The following TIAM1 variants were observed in gnomAD, a reference collection of about 807,000 sequenced individuals.
TIAM1 encodes TIAM Rac1 associated GEF 1, also known as rho guanine nucleotide exchange factor TIAM1.
TIAM1 carries 65 observed loss-of-function variants against 163.5 expected under a neutral mutation model. The observed-to-expected ratio is 0.40, with a 90% CI of 0.33 to 0.49. TIAM1 has a LOEUF of 0.49. Among genes scored for constraint, TIAM1 ranks in the 20% least tolerant of loss-of-function variants. The pLI is 0.77. For synonymous variants in TIAM1, 833 were observed against 810.1 expected (o/e 1.03, Z -0.48); for missense variants, 1,789 against 2,044.7 (o/e 0.87, Z 2.41).
In TIAM1 at chr21:31,167,304, C is replaced by T. The variant is rs185170745; in HGVS notation, c.2888-2239G>A. Among the ~76,000 whole-genome samples the T allele has an allele frequency of 1.1e-4, 17 of 152,028 alleles. 1 individual carries two copies. Among genetic ancestry groups the T allele is most frequent in the Admixed American group, 3.3e-4 (5 of 15,268 alleles). ...ACAGGGTTTCACCATGTTGGTGAGG[C>T]TGGTTTTGAACTCCTGAATGCGCCC... On this transcript the variant is annotated intron_variant, in intron 15 of 27. Coordinates refer to ENST00000541036, the MANE Select transcript of TIAM1 (RefSeq NM_001353694.2).
chr21:31,167,379 G>A (rs550394386), intron 15 of TIAM1, among the ~76,000 whole-genome samples: 1 of 152,186 alleles, frequency 6.6e-6, no homozygotes, highest in East Asian at 1.9e-4. Context: ...CACAGTGCCC[G>A]GCTGGATTTT....
At chr21:31,554,413 T>A (rs1028562243) in intron 1 of TIAM1, among the ~76,000 whole-genome samples, 1 of 152,198 alleles carries the variant, frequency 6.6e-6, no homozygotes, top group South Asian at 2.1e-4. Context: ...TCATCTTTCT[T>A]TCATGAATTC....
intron 6 of TIAM1, among the ~76,000 whole-genome samples, chr21:31,240,167 G>A (rs776156145): frequency 5.3e-5 from 8 of 152,080 alleles, no homozygotes; most frequent in Admixed American, 3.3e-4. Flanking sequence ...TGTTAATAGC[G>A]TCTACTCTCG....
chr21:31,456,045 T>G (rs2045086578), intron 2 of TIAM1, among the ~76,000 whole-genome samples: 1 of 152,210 alleles, frequency 6.6e-6, no homozygotes, highest in South Asian at 2.1e-4. Flanking sequence ...CAGGAGAATG[T>G]TCCTGGTTGT....
chr21:31,497,220 C>T (rs1161095675), intron 1 of TIAM1, among the ~76,000 whole-genome samples: 1 of 152,162 alleles, frequency 6.6e-6, no homozygotes, highest in African/African-American at 2.4e-5. Flanking sequence ...TACCATGATG[C>T]AATTGCCTAA....
At chr21:31,481,766 A>G (rs8129491) in intron 1 of TIAM1, among the ~76,000 whole-genome samples, 4,624 of 152,224 alleles carry the variant, frequency 0.03, 245 homozygotes, top group African/African-American at 0.11. Flanking sequence ...TCACAGCACC[A>G]ACATGTGTTC....
chr21:31,362,452 A>G (rs1315069926), intron 2 of TIAM1, among the ~76,000 whole-genome samples: 1 of 145,124 alleles, frequency 6.9e-6, no homozygotes, highest in Non-Finnish European at 1.5e-5. Flanking sequence ...GACAATTATT[A>G]TTATTATTAT....
chr21:31,547,367 C>G (rs1328340421), intron 1 of TIAM1, among the ~76,000 whole-genome samples: 1 of 152,178 alleles, frequency 6.6e-6, no homozygotes, highest in African/African-American at 2.4e-5. Context: ...TGGCAACAGA[C>G]TCCCACAAAC....
intron 3 of TIAM1, among the ~76,000 whole-genome samples, chr21:31,268,649 T>C (rs1344598966): frequency 6.6e-6 from 1 of 152,194 alleles, no homozygotes. Flanking sequence ...TCTTTTTTAC[T>C]AGGAGCAAGT....
intron 1 of TIAM1, among the ~76,000 whole-genome samples, chr21:31,475,943 A>T (rs945461734): frequency 1.3e-5 from 2 of 151,888 alleles, no homozygotes; most frequent in Admixed American, 6.6e-5. Context: ...AGTGTAGATA[A>T]ATGTCAAAAA....
At chr21:31,485,856 G>T (rs1324297025) in intron 1 of TIAM1, among the ~76,000 whole-genome samples, 1 of 152,138 alleles carries the variant, frequency 6.6e-6, no homozygotes, top group African/African-American at 2.4e-5. Context: ...TTCCTACTTT[G>T]CAGATGAGGA....
chr21:31,287,547 G>T (rs2073858038), intron 2 of TIAM1, among the ~76,000 whole-genome samples: 1 of 152,168 alleles, frequency 6.6e-6, no homozygotes, highest in South Asian at 2.1e-4. Flanking sequence ...GGTCCTGACA[G>T]GTTAATAGGA....
chr21:31,501,122 G>A (rs1323184098), intron 1 of TIAM1, among the ~76,000 whole-genome samples: 1 of 151,528 alleles, frequency 6.6e-6, no homozygotes, highest in African/African-American at 2.4e-5. Flanking sequence ...TATTGGACTC[G>A]CCACCATTTG....
intron 6 of TIAM1, among the ~76,000 whole-genome samples, chr21:31,244,095 G>A (rs923631973): frequency 3.3e-5 from 5 of 152,118 alleles, no homozygotes; most frequent in South Asian, 2.1e-4. Flanking sequence ...GTACACTTAT[G>A]TTGTGTGCAC....
At chr21:31,530,470 G>A (rs936333132) in intron 1 of TIAM1, among the ~76,000 whole-genome samples, 3 of 152,248 alleles carry the variant, frequency 2.0e-5, no homozygotes, top group African/African-American at 7.2e-5. Flanking sequence ...CAACAGTGTA[G>A]CTTTTCAGTC....
At chr21:31,415,733 C>T (rs766259871) in intron 2 of TIAM1, among the ~76,000 whole-genome samples, 3 of 152,138 alleles carry the variant, frequency 2.0e-5, no homozygotes, top group Non-Finnish European at 2.9e-5. Flanking sequence ...TCCATGACTC[C>T]GTTTTACTGG....
intron 13 of TIAM1, among the ~76,000 whole-genome samples, chr21:31,187,635 T>C (rs1005393639): frequency 2.6e-5 from 4 of 152,304 alleles, no homozygotes; most frequent in African/African-American, 9.6e-5. Flanking sequence ...TTTCACACTC[T>C]AGCAGTATCT....
In TIAM1 at chr21:31,252,248, G is replaced by A. The variant is rs779094167; in HGVS notation, c.964-59C>T. 90 of 1,543,524 alleles carry A rather than the reference G, an allele frequency of 5.8e-5. No homozygotes were observed. The African/African-American group carries it at 1.0e-3, about 18-fold the overall frequency. ...GCGTCACGTGGAGAAGGAACCCAGGGTCACGTGGAGAAGAGCCCTGGGTCC... is the reference window on the plus strand; with the variant it reads ...GCGTCACGTGGAGAAGGAACCCAGGATCACGTGGAGAAGAGCCCTGGGTCC... On this transcript the variant is annotated intron_variant, in intron 4 of 27. Transcript: ENST00000541036.
chr21:31,437,885 A>G (rs953836190), intron 2 of TIAM1, among the ~76,000 whole-genome samples: 3 of 152,228 alleles, frequency 2.0e-5, no homozygotes, highest in Non-Finnish European at 4.4e-5. Context: ...ATATTTCTTT[A>G]TAGCAGTGTG....
Sources: allele counts gnomAD v4.1 joint callset (sites outside exome capture counted in the v4.1 genomes callset), GRCh38; gene constraint gnomAD v4.1.1; transcripts MANE v1.5; gene names NCBI Gene and HGNC (gene_info 2026-07-23, HGNC 2026-07-21).